Variants in DPYD observed in about 807,000 individuals in gnomAD.
The protein encoded by DPYD is dihydropyrimidine dehydrogenase [NADP(+)].
DPYD carries 109 observed loss-of-function variants against 116.2 expected under a neutral mutation model. The ratio of observed to expected loss-of-function variants is 0.94; its 90% CI spans 0.80 to 1.10. The LOEUF is 1.10. Ranked by LOEUF, DPYD falls within the 50% of genes least tolerant of loss-of-function variation. The pLI, the probability that DPYD is intolerant of heterozygous loss-of-function variation, is 0.00. For missense variants in DPYD, 1,302 were observed against 1,254.5 expected, an observed-to-expected ratio of 1.04 and a Z score of -0.57; for synonymous variants, 440 against 432.0, an observed-to-expected ratio of 1.02 and a Z score of -0.23.
chr1:97,672,366 G>T (rs1192699205), intron 8 of DPYD, among the ~76,000 whole-genome samples: 10 of 151,902 alleles, frequency 6.6e-5, no homozygotes, highest in Non-Finnish European at 1.5e-4. Flanking sequence ...CTCCTTCTGG[G>T]GCTTTGCATG....
At chr1:97,569,659 G>A (rs1458054652) in intron 11 of DPYD, among the ~76,000 whole-genome samples, 1 of 151,574 alleles carries the variant, frequency 6.6e-6, no homozygotes. Context: ...AGGGAATAGA[G>A]GAGACTTTTT....
At chr1:97,115,450 C>G (rs192038137) in intron 20 of DPYD, among the ~76,000 whole-genome samples, 6 of 152,142 alleles carry the variant, frequency 3.9e-5, no homozygotes, top group East Asian at 3.9e-4. Context: ...AAGAGAAGCA[C>G]GTTTAGAAGA....
intron 21 of DPYD, among the ~76,000 whole-genome samples, chr1:97,094,288 C>G (rs1395343700): frequency 6.6e-6 from 1 of 152,056 alleles, no homozygotes; most frequent in Non-Finnish European, 1.5e-5. Context: ...AGGGATAAAA[C>G]AAACAGTCCT....
chr1:97,910,771 C>T (rs1037701175), intron 1 of DPYD, among the ~76,000 whole-genome samples: 5 of 152,018 alleles, frequency 3.3e-5, no homozygotes, highest in South Asian at 2.1e-4. Context: ...CAGTCTACTG[C>T]TGTTTCTGAA....
chr1:97,503,152 A>C (rs1679690268), intron 13 of DPYD, among the ~76,000 whole-genome samples: 1 of 147,892 alleles, frequency 6.8e-6, no homozygotes, highest in African/African-American at 2.4e-5. Flanking sequence ...ATAATACTTA[A>C]TAAGATAATA....
intron 1 of DPYD, among the ~76,000 whole-genome samples, chr1:97,891,586 C>A (rs942741327): frequency 6.6e-6 from 1 of 151,798 alleles, no homozygotes; most frequent in Non-Finnish European, 1.5e-5. Context: ...CGGAAACATA[C>A]AAACTAGAAT....
intron 18 of DPYD, among the ~76,000 whole-genome samples, chr1:97,298,958 T>C (rs963093433): frequency 3.9e-5 from 6 of 152,136 alleles, no homozygotes; most frequent in Non-Finnish European, 8.8e-5. Flanking sequence ...GTCTGGCCTT[T>C]AGAAAATATT....
intron 20 of DPYD, among the ~76,000 whole-genome samples, chr1:97,156,772 T>C (rs1655491739): frequency 6.6e-6 from 1 of 151,920 alleles, no homozygotes; most frequent in Non-Finnish European, 1.5e-5. Flanking sequence ...ACTGGGTATA[T>C]ACCCAAAGGA....
intron 16 of DPYD, among the ~76,000 whole-genome samples, chr1:97,368,167 C>T (rs1671137228): frequency 6.6e-6 from 1 of 151,916 alleles, no homozygotes; most frequent in Admixed American, 6.6e-5. Flanking sequence ...CCTGCTTGAC[C>T]AGAAACTTTG....
rs552015979 is a variant in DPYD, at chr1:97,242,315, AAATT to A, written c.2300-7325_2300-7322del. Among the ~76,000 whole-genome samples, 624 of 150,936 alleles carry A rather than the reference AAATT, an allele frequency of 4.1e-3. 6 individuals carry two copies. The highest frequency in any genetic ancestry group is 0.015 in the African/African-American group (602 of 41,352). On this transcript the variant is annotated intron_variant, in intron 18 of 22. Coordinates refer to ENST00000370192, the MANE Select transcript of DPYD (RefSeq NM_000110.4). ...ATCATGAGTAGTTACTCTATTAAAT[AAATT>A]ATAGTTCACCAAGATATGATATTCC...
At chr1:97,834,267 CCAGT>C (rs967269567) in intron 2 of DPYD, among the ~76,000 whole-genome samples, 2 of 151,772 alleles carry the variant, frequency 1.3e-5, no homozygotes, top group Non-Finnish European at 2.9e-5. Flanking sequence ...GAAATGAAAA[CCAGT>C]CATTCATTCA....
At chr1:97,092,406 T>G (rs1649957234) in intron 21 of DPYD, among the ~76,000 whole-genome samples, 1 of 152,186 alleles carries the variant, frequency 6.6e-6, no homozygotes, top group Admixed American at 6.5e-5. Context: ...AAAGTATTGG[T>G]AAAACAATCG....
At chr1:97,761,240 T>G (rs1338323359) in intron 3 of DPYD, among the ~76,000 whole-genome samples, 1 of 151,930 alleles carries the variant, frequency 6.6e-6, no homozygotes, top group East Asian at 1.9e-4. Flanking sequence ...TCTAAAATGA[T>G]ACAAGGAAAA....
At chr1:97,617,703 A>G (rs1023985776) in intron 8 of DPYD, among the ~76,000 whole-genome samples, 1 of 152,130 alleles carries the variant, frequency 6.6e-6, no homozygotes, top group South Asian at 2.1e-4. Flanking sequence ...ATACCTGGGA[A>G]ACAAGACTTG....
intron 1 of DPYD, among the ~76,000 whole-genome samples, chr1:97,892,515 C>T (rs1036182234): frequency 2.0e-5 from 3 of 151,708 alleles, no homozygotes; most frequent in South Asian, 2.1e-4. Flanking sequence ...GGAGAGAATG[C>T]AGCTTTATTT....
chr1:97,355,074 G>A (rs896209379), intron 16 of DPYD, among the ~76,000 whole-genome samples: 47 of 152,158 alleles, frequency 3.1e-4, no homozygotes, highest in African/African-American at 1.1e-3. Flanking sequence ...AATCATTTAT[G>A]AATTTATTAT....
At chr1:97,540,019 C>G (rs1053522943) in intron 12 of DPYD, among the ~76,000 whole-genome samples, 1 of 152,124 alleles carries the variant, frequency 6.6e-6, no homozygotes, top group East Asian at 1.9e-4. Flanking sequence ...TCACAACACG[C>G]TTCTGACACC....
intron 20 of DPYD, among the ~76,000 whole-genome samples, chr1:97,106,876 G>A (rs1265699319): frequency 6.6e-6 from 1 of 152,058 alleles, no homozygotes; most frequent in Non-Finnish European, 1.5e-5. Flanking sequence ...TAACCTGTTG[G>A]CTATAATAAT....
chr1:97,758,306 C>T (rs780435002), intron 3 of DPYD, among the ~76,000 whole-genome samples: 2 of 151,642 alleles, frequency 1.3e-5, no homozygotes, highest in Non-Finnish European at 2.9e-5. Flanking sequence ...CACACAAGGG[C>T]CATTACCCCA....
Sources: allele counts gnomAD v4.1 joint callset (sites outside exome capture counted in the v4.1 genomes callset), GRCh38; gene constraint gnomAD v4.1.1; transcripts MANE v1.5; gene names NCBI Gene and HGNC (gene_info 2026-07-23, HGNC 2026-07-21).